ABL1: variants seen among roughly 807,000 people sequenced by gnomAD.
ABL1 encodes the protein ABL proto-oncogene 1, non-receptor tyrosine kinase.
In ABL1, 11 loss-of-function variants were observed where a neutral mutation model predicts 94.7. The ratio of observed to expected loss-of-function variants is 0.12; its 90% CI spans 0.07 to 0.19. The LOEUF is 0.19. ABL1 is among the 10% of genes least tolerant of loss of function. The pLI is 1.00. For synonymous variants in ABL1, 656 were observed against 622.4 expected, an observed-to-expected ratio of 1.05 and a Z score of -0.80; for missense variants, 1,082 against 1,489.4, an observed-to-expected ratio of 0.73 and a Z score of 4.50.
chr9:130,884,144 C>A lies in ABL1; in HGVS notation c.1854C>A (p.Ser618Arg), dbSNP rs139645650. Residue 618 changes from serine to arginine, a missense_variant, in exon 11 of 11, where the codon AGC becomes AGA. Coordinates refer to ENST00000318560, the MANE Select transcript of ABL1 (RefSeq NM_005157.6). This position sits in a 1 kb window ranked among gnomAD's most constrained non-coding sequence, Gnocchi z 5.6. Reference sequence around the variant, plus strand: ...CAGCCCCAACCCCTCCCAAACGCAGCAGCTCCTTCCGGGAGATGGACGGCC... The same window carrying A: ...CAGCCCCAACCCCTCCCAAACGCAGAAGCTCCTTCCGGGAGATGGACGGCC... The part of the protein sequence containing the change: ...KKTAPTPPKR[S>R]SSFREMDGQP... 1 of 1,613,570 alleles carries A rather than the reference C, an allele frequency of 6.2e-7. No individual in the cohort carries two copies. The highest frequency in any genetic ancestry group is 8.5e-7 in the Non-Finnish European group (1 of 1,180,006).
rs35026175 is a variant in ABL1, at chr9:130,780,517, G to A, written c.136+66062G>A. On this transcript the variant is annotated intron_variant, in intron 1 of 10. Transcript: ENST00000372348. ...CCAGATGAAAACTCTTGCAACTTTC[G>A]TTTTTGGATAGTGCTCACCTCGTAT... Among the ~76,000 whole-genome samples, 229 of 152,264 alleles carry A rather than the reference G, an allele frequency of 1.5e-3. 1 individual carries two copies. Among genetic ancestry groups the A allele is most frequent in the African/African-American group, 5.3e-3 (220 of 41,554 alleles).
chr9:130,721,832 T>TG (rs891937976), intron 1 of ABL1, among the ~76,000 whole-genome samples: 7 of 149,356 alleles, frequency 4.7e-5, no homozygotes, highest in Non-Finnish European at 8.9e-5. Flanking sequence ...GTTTTTTTTT[T>TG]TTTTTTTGAG....
At chr9:130,715,700 T>C (rs957119676) in intron 1 of ABL1, among the ~76,000 whole-genome samples, 9 of 152,324 alleles carry the variant, frequency 5.9e-5, no homozygotes, top group Middle Eastern at 6.8e-3. Context: ...TGGAACAGAC[T>C]TTTTGGAGAG....
rs1321602539 is a variant in ABL1, at chr9:130,774,577, A to C, written c.136+60122A>C. Among the ~76,000 whole-genome samples, 4 of 152,148 alleles carry C rather than the reference A, an allele frequency of 2.6e-5. No homozygotes were observed. The East Asian group carries it at 7.7e-4, about 29-fold the overall frequency. ...GGTGGCTCATGCCTGTGATTCTAGC[A>C]CTTTGGAAGGCTGAGGTGGGCGGAT... On this transcript the variant is annotated intron_variant, in intron 1 of 10. Transcript: ENST00000372348.
intron 10 of ABL1, among the ~76,000 whole-genome samples, chr9:130,881,689 G>A (rs965762349): frequency 1.3e-5 from 2 of 152,092 alleles, no homozygotes; most frequent in African/African-American, 4.8e-5. Flanking sequence ...ATTGGAGGTG[G>A]GGGGTAGGCC....
chr9:130,755,575 C>T (rs901200170), intron 1 of ABL1, among the ~76,000 whole-genome samples: 1 of 152,134 alleles, frequency 6.6e-6, no homozygotes, highest in African/African-American at 2.4e-5. Context: ...CCTGGTAGGA[C>T]GTATTTCCTT....
intron 1 of ABL1, among the ~76,000 whole-genome samples, chr9:130,752,958 CAAAA>C (rs752754691): frequency 2.4e-5 from 2 of 82,494 alleles, no homozygotes. Context: ...GACTTCGTCT[CAAAA>C]AAAAAAAAAA....
intron 1 of ABL1, among the ~76,000 whole-genome samples, chr9:130,761,968 C>G (rs1022911505): frequency 6.6e-6 from 1 of 151,872 alleles, no homozygotes; most frequent in African/African-American, 2.4e-5. Context: ...CGTGGGGAAA[C>G]CCCCGTCTCT....
chr9:130,834,016 C>A (rs539866131), upstream of ABL1: 1 of 456,060 alleles, frequency 2.2e-6, no homozygotes, highest in African/African-American at 2.0e-5. Context: ...TGGTCGGGAG[C>A]CTGATCCTTG....
At chr9:130,773,970 CA>C (rs1275829239) in intron 1 of ABL1, among the ~76,000 whole-genome samples, 1 of 152,100 alleles carries the variant, frequency 6.6e-6, no homozygotes, top group Admixed American at 6.6e-5. Flanking sequence ...CTTCCCGGTC[CA>C]ATACTTACCT....
At chr9:130,841,415 T>C (rs7869508) in intron 1 of ABL1, among the ~76,000 whole-genome samples, 34,768 of 151,834 alleles carry the variant, frequency 0.23, 5,046 homozygotes, top group African/African-American at 0.41. Flanking sequence ...CCAAAAATCT[T>C]ATAATGTTTT....
exon 1 of ABL1, among the ~76,000 whole-genome samples, chr9:130,713,159 G>C (rs1213309004): frequency 6.6e-6 from 1 of 152,188 alleles, no homozygotes. Context: ...CCCTACCGGC[G>C]GGGGGCGGCT....
chr9:130,839,588 G>A lies in ABL1; in HGVS notation c.79+4063G>A, dbSNP rs539663983. Among the ~76,000 whole-genome samples the A allele has an allele frequency of 7.2e-5, 11 of 152,286 alleles. No individual in the cohort carries two copies. The East Asian group carries it at 1.9e-3, about 27-fold the overall frequency. On this transcript the variant is annotated intron_variant, in intron 1 of 10. Coordinates refer to ENST00000318560, the MANE Select transcript of ABL1 (RefSeq NM_005157.6). ...CTGAGGTTTCTAGAAAAGAGGAAGG[G>A]CCCCAGTTTAGGTGGCAGTACTTTT...
At chr9:130,852,880 C>T (rs922671749) in intron 1 of ABL1, among the ~76,000 whole-genome samples, 5 of 151,946 alleles carry the variant, frequency 3.3e-5, no homozygotes, top group Admixed American at 6.6e-5. Context: ...AAAAAATTTA[C>T]AGAAGAACAT....
At position 130,884,074 on chromosome 9, in the gene ABL1, A is replaced by G. The variant is rs1468514315; in HGVS notation, c.1784A>G (p.Lys595Arg). The change falls in exon 11 of 11, where the codon AAA (lysine) becomes AGA (arginine). Residue 595 changes from lysine to arginine, a missense_variant. This residue lies in a region of ABL1 where 780 missense variants were observed against 835.8 expected (regional missense o/e 0.93). Coordinates refer to ENST00000318560, the MANE Select transcript of ABL1 (RefSeq NM_005157.6). This position sits in a 1 kb window ranked among gnomAD's most constrained non-coding sequence, Gnocchi z 5.6. ...NEDERLLPKD[K>R]KTNLFSALIK... Reference sequence around the variant, plus strand: ...GATGAGCGCCTTCTCCCCAAAGACAAAAAGACCAACTTGTTCAGCGCCTTG... The same window carrying G: ...GATGAGCGCCTTCTCCCCAAAGACAGAAAGACCAACTTGTTCAGCGCCTTG... 2 of 1,613,846 alleles carry G rather than the reference A, an allele frequency of 1.2e-6. No individual in the cohort carries two copies. The highest frequency in any genetic ancestry group is 1.3e-5 in the African/African-American group (1 of 74,934).
chr9:130,761,073 G>A (rs1363358420), intron 1 of ABL1, among the ~76,000 whole-genome samples: 4 of 149,472 alleles, frequency 2.7e-5, no homozygotes, highest in African/African-American at 7.4e-5. Flanking sequence ...TCAGCCTCCC[G>A]AGTAGCTGGG....
At chr9:130,764,924 C>A (rs926559016) in intron 1 of ABL1, among the ~76,000 whole-genome samples, 2 of 151,262 alleles carry the variant, frequency 1.3e-5, no homozygotes, top group Non-Finnish European at 2.9e-5. Context: ...CCACTGTACT[C>A]CAGTCTGGGT....
At chr9:130,714,473 T>G (rs748273268) in intron 1 of ABL1, 6 of 1,614,156 alleles carry the variant, frequency 3.7e-6, no homozygotes, top group Non-Finnish European at 5.1e-6. Context: ...CTTTTCAAAA[T>G]TTCTGCTCAT....
Position 130,884,480 on chromosome 9 carries a change from G to C in ABL1, c.2190G>C (p.Glu730Asp). 1 of 1,613,142 alleles carries C rather than the reference G, an allele frequency of 6.2e-7. No homozygotes were observed. Among genetic ancestry groups the C allele is most frequent in the Non-Finnish European group, 8.5e-7 (1 of 1,180,042 alleles). The change falls in exon 11 of 11, where the codon GAG (glutamate) becomes GAC (aspartate). Residue 730 changes from glutamate to aspartate, a missense_variant. This residue lies in a region of ABL1 where 780 missense variants were observed against 835.8 expected (regional missense o/e 0.93). Transcript: ENST00000318560. This position sits in a 1 kb window ranked among gnomAD's most constrained non-coding sequence, Gnocchi z 5.6. The stretch of plus-strand genomic sequence containing the variant: ...TTCCCCATGGGGCCAAGGACACGGA[G>C]TGGAGGTCAGTCACGCTGCCTCGGG... ...SCVPHGAKDT[E>D]WRSVTLPRDL... is the part of the protein sequence containing the mutation.
Sources: allele counts gnomAD v4.1 joint callset (sites outside exome capture counted in the v4.1 genomes callset), GRCh38; gene constraint gnomAD v4.1.1; regional missense constraint gnomAD v4.1.1; non-coding constraint Gnocchi (gnomAD v3.1); transcripts MANE v1.5; gene names NCBI Gene and HGNC (gene_info 2026-07-23, HGNC 2026-07-21).